Variants in TBL1X observed in about 807,000 individuals in gnomAD.
TBL1X encodes the protein F-box-like/WD repeat-containing protein TBL1X.
In TBL1X, 10 loss-of-function variants were observed where a neutral mutation model predicts 50.7. That is an observed-to-expected ratio of 0.20 (90% CI 0.12 to 0.33). The LOEUF (loss-of-function observed/expected upper bound fraction) is 0.33, where lower values mean the gene tolerates loss of function less well. Ranked by LOEUF, TBL1X falls within the 10% of genes least tolerant of loss-of-function variation. TBL1X has a pLI of 1.00. For synonymous variants in TBL1X, 190 were observed against 214.7 expected, an observed-to-expected ratio of 0.88 and a Z score of 1.01; for missense variants, 340 against 504.4, an observed-to-expected ratio of 0.67 and a Z score of 3.12.
intron 2 of TBL1X, among the ~76,000 whole-genome samples, chrX:9,589,006 C>A (rs1227676408): frequency 9.0e-6 from 1 of 111,370 alleles, no homozygotes; most frequent in Non-Finnish European, 1.9e-5. Flanking sequence ...TGATCCTAAT[C>A]CCTGCCCTGA....
At chrX:9,492,737 C>T (rs1319100765) in intron 1 of TBL1X, among the ~76,000 whole-genome samples, 1 of 110,188 alleles carries the variant, frequency 9.1e-6, no homozygotes, top group Non-Finnish European at 1.9e-5. Context: ...TTCGGTATGC[C>T]TCTGTACCAA....
chrX:9,565,862 A>C (rs763154388), intron 2 of TBL1X, among the ~76,000 whole-genome samples: 54 of 111,520 alleles, frequency 4.8e-4, no homozygotes, highest in African/African-American at 1.7e-3. Flanking sequence ...ACAAAAAAAC[A>C]AACTTGGAAG....
At chrX:9,574,325 G>T (rs1379507503) in intron 2 of TBL1X, among the ~76,000 whole-genome samples, 1 of 108,808 alleles carries the variant, frequency 9.2e-6, no homozygotes, top group Non-Finnish European at 1.9e-5. Flanking sequence ...GTGGTAGTGT[G>T]TGCCTGTAGT....
In TBL1X at chrX:9,613,355, A is replaced by G. The variant is rs775382948; in HGVS notation, c.-130-26918A>G. On this transcript the variant is annotated intron_variant, in intron 2 of 17. Transcript: ENST00000645353. ...TCCCACCAATGGTGTGACTCCTATC[A>G]CTGAGAAACAGACCCCTTACCATTT... 8.1e-5 allele frequency among the ~76,000 whole-genome samples: 9 copies of G among 110,916 alleles called. No individual in the cohort carries two copies. In the South Asian group the frequency reaches 3.4e-3, roughly 42 times the overall value.
intron 1 of TBL1X, among the ~76,000 whole-genome samples, chrX:9,476,130 G>C (rs1298879629): frequency 2.7e-5 from 3 of 112,151 alleles, no homozygotes; most frequent in Non-Finnish European, 3.8e-5. Context: ...ACTGTGAAGA[G>C]AGGAGAAACA....
intron 2 of TBL1X, among the ~76,000 whole-genome samples, chrX:9,609,411 G>GGTGTGTGT (rs749352901): frequency 2.1e-4 from 21 of 97,812 alleles, no homozygotes; most frequent in African/African-American, 7.6e-4. Flanking sequence ...TCCAGGTAGG[G>GGTGTGTGT]GTGTGTGTGT....
At chrX:9,630,615 T>C (rs2082716119) in intron 2 of TBL1X, among the ~76,000 whole-genome samples, 1 of 112,559 alleles carries the variant, frequency 8.9e-6, no homozygotes, top group Non-Finnish European at 1.9e-5. Flanking sequence ...ATATTTTTTT[T>C]CTTTCTTTTT....
intron 2 of TBL1X, among the ~76,000 whole-genome samples, chrX:9,542,611 G>A (rs1055046684): frequency 7.2e-5 from 8 of 110,961 alleles, no homozygotes; most frequent in Admixed American, 6.6e-4. Context: ...GCAGGAGCGG[G>A]CAGCGTTGCC....
chrX:9,523,513 C>T (rs1310289693), intron 2 of TBL1X, among the ~76,000 whole-genome samples: 2 of 112,298 alleles, frequency 1.8e-5, no homozygotes, highest in Admixed American at 9.4e-5. Context: ...CCAGGCCACA[C>T]TGGGCCATGT....
At chrX:9,641,504 C>T (rs1480594338) in intron 3 of TBL1X, among the ~76,000 whole-genome samples, 4 of 112,313 alleles carry the variant, frequency 3.6e-5, no homozygotes, top group African/African-American at 1.3e-4. Flanking sequence ...TTTGAGGAAG[C>T]TTTTTGATTT....
chrX:9,698,845 C>T (rs190498651), intron 12 of TBL1X, among the ~76,000 whole-genome samples: 14 of 112,035 alleles, frequency 1.2e-4, no homozygotes, highest in Non-Finnish European at 2.4e-4. Flanking sequence ...GATGTGTGGC[C>T]GCTGCTCTGG....
At chrX:9,467,285 G>T (rs2081781996) in intron 1 of TBL1X, among the ~76,000 whole-genome samples, 1 of 111,375 alleles carries the variant, frequency 9.0e-6, no homozygotes, top group Non-Finnish European at 1.9e-5. Flanking sequence ...CAGATTATCC[G>T]ATCTACTCCT....
chrX:9,580,425 A>C (rs1353782707), intron 2 of TBL1X, among the ~76,000 whole-genome samples: 1 of 111,895 alleles, frequency 8.9e-6, no homozygotes, highest in African/African-American at 3.3e-5. Flanking sequence ...GACAAGGGAC[A>C]AATAGTTGTA....
At chrX:9,467,139 T>C (rs771873893) in intron 1 of TBL1X, among the ~76,000 whole-genome samples, 4 of 112,767 alleles carry the variant, frequency 3.5e-5, no homozygotes, top group Admixed American at 1.9e-4. Context: ...CCATCAATTA[T>C]ATCAGTACCA....
At chrX:9,634,703 T>C (rs968013340) in intron 2 of TBL1X, among the ~76,000 whole-genome samples, 5 of 110,646 alleles carry the variant, frequency 4.5e-5, no homozygotes, top group Non-Finnish European at 9.4e-5. Flanking sequence ...TGTTTTGAAG[T>C]GTGGAGCCGT....
At chrX:9,582,749 A>G (rs911126947) in intron 2 of TBL1X, among the ~76,000 whole-genome samples, 3 of 112,456 alleles carry the variant, frequency 2.7e-5, no homozygotes, top group Non-Finnish European at 5.6e-5. Flanking sequence ...TGCCACATAT[A>G]TAGTTCAGAT....
At chrX:9,602,930 C>T (rs1296932845) in intron 2 of TBL1X, among the ~76,000 whole-genome samples, 1 of 112,557 alleles carries the variant, frequency 8.9e-6, no homozygotes, top group African/African-American at 3.2e-5. Context: ...TCTTCATCCA[C>T]CTGGGAGCAG....
Position 9,480,104 on chromosome X carries a change from G to A in TBL1X, c.-201+14657G>A, listed in dbSNP as rs1336273962. ...GGCGTAGCTGAGATTAAGGACATGC[G>A]CCACCACCTCCGGCTAATTTTGTAT... On this transcript the variant is annotated intron_variant, in intron 1 of 17. Coordinates refer to ENST00000645353, the MANE Select transcript of TBL1X (RefSeq NM_005647.4). Among the ~76,000 whole-genome samples the A allele has an allele frequency of 2.7e-5, 3 of 111,036 alleles. No individual in the cohort carries two copies. In the South Asian group the frequency reaches 1.1e-3, roughly 42 times the overall value.
intron 7 of TBL1X, among the ~76,000 whole-genome samples, chrX:9,689,002 G>A (rs183247501): frequency 7.7e-4 from 86 of 111,460 alleles, no homozygotes; most frequent in Non-Finnish European, 1.4e-3. Flanking sequence ...GTATGCATGC[G>A]TGTGCGTGTA....
Sources: gnomAD v4.1 joint callset for allele counts (sites outside exome capture counted in the v4.1 genomes callset) on GRCh38, gnomAD v4.1.1 for gene constraint, MANE v1.5 for transcripts, NCBI Gene and HGNC (gene_info 2026-07-23, HGNC 2026-07-21) for gene names.